The following PRKN variants were observed in gnomAD, a reference collection of about 807,000 sequenced individuals.
PRKN encodes E3 ubiquitin-protein ligase parkin.
In PRKN, 56 loss-of-function variants were observed where a neutral mutation model predicts 59.5. That is an observed-to-expected ratio of 0.94 (90% CI 0.76 to 1.18). The LOEUF (loss-of-function observed/expected upper bound fraction) is 1.18, where lower values mean the gene tolerates loss of function less well. Ranked by LOEUF, PRKN falls within the 50% of genes most tolerant of loss-of-function variation. The pLI is 0.00. For synonymous variants in PRKN, 250 were observed against 222.1 expected (o/e 1.13, Z -1.12); for missense variants, 657 against 596.4 (o/e 1.10, Z -1.06).
At chr6:161,744,756 T>C (rs1293973423) in intron 7 of PRKN, among the ~76,000 whole-genome samples, 2 of 152,212 alleles carry the variant, frequency 1.3e-5, no homozygotes, top group African/African-American at 2.4e-5. Flanking sequence ...AGTGACTAAA[T>C]GAAACATAAG....
At chr6:161,555,249 A>C (rs1235651763) in intron 8 of PRKN, among the ~76,000 whole-genome samples, 1 of 152,156 alleles carries the variant, frequency 6.6e-6, no homozygotes, top group Non-Finnish European at 1.5e-5. Flanking sequence ...ATTTCCTAAT[A>C]ACTTGGTTCA....
intron 1 of PRKN, among the ~76,000 whole-genome samples, chr6:162,500,934 G>A (rs777015254): frequency 2.6e-5 from 4 of 152,142 alleles, no homozygotes; most frequent in Non-Finnish European, 5.9e-5. Flanking sequence ...GGGAGGCTGA[G>A]GCAGAAGGAC....
intron 1 of PRKN, among the ~76,000 whole-genome samples, chr6:162,698,702 C>A (rs1253539625): frequency 1.3e-5 from 2 of 152,310 alleles, no homozygotes; most frequent in East Asian, 3.9e-4. Flanking sequence ...GCACACCCAA[C>A]CAGCATCTCT....
At chr6:162,724,305 T>C (rs770449784) in intron 1 of PRKN, among the ~76,000 whole-genome samples, 1 of 152,236 alleles carries the variant, frequency 6.6e-6, no homozygotes, top group African/African-American at 2.4e-5. Context: ...TCAATTAAAT[T>C]ATGTTTCTGT....
intron 1 of PRKN, among the ~76,000 whole-genome samples, chr6:162,524,548 T>C (rs34587258): frequency 0.089 from 13,589 of 152,204 alleles, 736 homozygotes; most frequent in Middle Eastern, 0.17. Context: ...TACTTTAGGG[T>C]GTATTCATCC....
chr6:162,187,145 C>T (rs1784066559), intron 4 of PRKN, among the ~76,000 whole-genome samples: 1 of 152,046 alleles, frequency 6.6e-6, no homozygotes, highest in African/African-American at 2.4e-5. Context: ...TAGTTTCTAC[C>T]CAAGATGTCC....
intron 4 of PRKN, among the ~76,000 whole-genome samples, chr6:162,101,585 T>G (rs534938010): frequency 6.6e-6 from 1 of 151,688 alleles, no homozygotes; most frequent in African/African-American, 2.4e-5. Flanking sequence ...GGCAGGAGAA[T>G]GGCGTAAACC....
At chr6:161,611,156 G>T (rs1304510487) in intron 7 of PRKN, among the ~76,000 whole-genome samples, 4 of 152,026 alleles carry the variant, frequency 2.6e-5, no homozygotes, top group African/African-American at 4.8e-5. Context: ...CTATTAATTA[G>T]GGCTGTTAAA....
intron 5 of PRKN, among the ~76,000 whole-genome samples, chr6:162,021,737 T>TAAA (rs1783211510): frequency 6.6e-6 from 1 of 152,128 alleles, no homozygotes; most frequent in South Asian, 2.1e-4. Flanking sequence ...TGTGCAGTTT[T>TAAA]GTACATGGGT....
intron 7 of PRKN, among the ~76,000 whole-genome samples, chr6:161,782,368 G>T (rs1371776011): frequency 3.9e-5 from 6 of 151,978 alleles, no homozygotes; most frequent in South Asian, 4.1e-4. Flanking sequence ...TACCATTTTT[G>T]ATATCATCTA....
chr6:162,098,184 A>G (rs1420448345), intron 4 of PRKN, among the ~76,000 whole-genome samples: 7 of 152,050 alleles, frequency 4.6e-5, no homozygotes, highest in Non-Finnish European at 1.0e-4. Flanking sequence ...TCATTTTGTA[A>G]GAGTTGCTTT....
In PRKN at chr6:161,582,995, C is replaced by T. The variant is rs1397470952; in HGVS notation, c.872-13579G>A. ...CAACACACACACACACACACACACA[C>T]ACACACACACACACACACACACACA... is the stretch of plus-strand genomic sequence containing the variant. On this transcript the variant is annotated intron_variant, in intron 7 of 11. Transcript: ENST00000366898. The surrounding 1 kb of genome is among the most constrained non-coding windows in gnomAD (Gnocchi z 4.4). 3.5e-5 allele frequency among the ~76,000 whole-genome samples: 5 copies of T among 141,936 alleles called. No individual in the cohort carries two copies. Among genetic ancestry groups the T allele is most frequent in the Non-Finnish European group, 7.8e-5 (5 of 64,404 alleles). The allele number at this position is 141,936 out of a possible 152,430, so 93.1% of individuals were successfully genotyped here. A position where few individuals can be genotyped will look rare whatever the true frequency, so the allele number is the denominator to read the frequency against.
At chr6:162,365,576 T>C (rs1036958480) in intron 2 of PRKN, among the ~76,000 whole-genome samples, 3 of 152,236 alleles carry the variant, frequency 2.0e-5, no homozygotes, top group East Asian at 3.9e-4. Context: ...CTTTCTTCCA[T>C]GCCTGGGCTA....
intron 1 of PRKN, among the ~76,000 whole-genome samples, chr6:162,569,991 A>G (rs1301344765): frequency 6.6e-6 from 1 of 152,258 alleles, no homozygotes; most frequent in Non-Finnish European, 1.5e-5. Flanking sequence ...GCACAGTAAA[A>G]GGATACAATC....
intron 6 of PRKN, among the ~76,000 whole-genome samples, chr6:161,866,954 C>G (rs1040173622): frequency 2.0e-5 from 3 of 152,072 alleles, no homozygotes; most frequent in African/African-American, 4.8e-5. Flanking sequence ...AAATAGAGTC[C>G]CACCTGGACT....
chr6:162,553,247 A>T (rs765817083), intron 1 of PRKN, among the ~76,000 whole-genome samples: 1 of 152,172 alleles, frequency 6.6e-6, no homozygotes, highest in Non-Finnish European at 1.5e-5. Context: ...AGGCCTTTGC[A>T]TCTAAGAGGA....
chr6:162,639,353 T>C (rs1777871720), intron 1 of PRKN, among the ~76,000 whole-genome samples: 1 of 152,150 alleles, frequency 6.6e-6, no homozygotes, highest in Non-Finnish European at 1.5e-5. Context: ...GTCAAAGATC[T>C]TATACACTTA....
intron 7 of PRKN, among the ~76,000 whole-genome samples, chr6:161,608,479 G>T (rs1001762821): frequency 6.6e-6 from 1 of 151,908 alleles, no homozygotes; most frequent in Admixed American, 6.6e-5. Flanking sequence ...CTAGAATTTA[G>T]CAGATAGTAG....
intron 1 of PRKN, among the ~76,000 whole-genome samples, chr6:162,572,265 T>C (rs905322253): frequency 3.3e-5 from 5 of 152,232 alleles, no homozygotes; most frequent in Non-Finnish European, 5.9e-5. Context: ...ATCTCCTGCA[T>C]AATGTTAAGT....
Sources: allele counts gnomAD v4.1 joint callset (sites outside exome capture counted in the v4.1 genomes callset), GRCh38; gene constraint gnomAD v4.1.1; non-coding constraint Gnocchi (gnomAD v3.1); transcripts MANE v1.5; gene names NCBI Gene and HGNC (gene_info 2026-07-23, HGNC 2026-07-21).